Variants in ATP8B2 observed in about 807,000 individuals in gnomAD.
ATP8B2 encodes phospholipid-transporting ATPase ID.
In ATP8B2, 70 loss-of-function variants were observed where a neutral mutation model predicts 133.4. The observed-to-expected ratio is 0.52, with a 90% CI of 0.43 to 0.64. The LOEUF (loss-of-function observed/expected upper bound fraction) is 0.64. Among genes scored for constraint, ATP8B2 ranks in the 30% least tolerant of loss-of-function variants. The pLI, the probability that ATP8B2 is intolerant of heterozygous loss-of-function variation, is 0.00. For missense variants in ATP8B2, 1,101 were observed against 1,535.7 expected (o/e 0.72, Z 4.73); for synonymous variants, 517 against 589.5 (o/e 0.88, Z 1.78).
In ATP8B2 at chr1:154,349,136, C is replaced by T. The variant is rs755878103; in HGVS notation, c.*18C>T. 1.0e-5 allele frequency: 16 copies of T among 1,607,658 alleles called. No homozygotes were observed. The highest frequency in any genetic ancestry group is 1.4e-5 in the Non-Finnish European group (16 of 1,175,668). ...AGGGCTGAAGGCCGAGGATGGATGCCCTGTGCCAGTGACCAGAGCACCCAG... is the reference window on the plus strand; with the variant it reads ...AGGGCTGAAGGCCGAGGATGGATGCTCTGTGCCAGTGACCAGAGCACCCAG... On this transcript the variant is annotated 3_prime_UTR_variant, in exon 28 of 28. Transcript: ENST00000368489.
chr1:154,335,695 A>C (rs1686155360), intron 11 of ATP8B2, among the ~76,000 whole-genome samples: 2 of 151,304 alleles, frequency 1.3e-5, no homozygotes, highest in Non-Finnish European at 2.9e-5. Flanking sequence ...TGTTTCAAAA[A>C]AGAAATCTAC....
At chr1:154,348,712 C>G (rs1224202140) in intron 27 of ATP8B2, 128 bp from the exon 28 acceptor site, 1 of 1,381,978 alleles carries the variant, frequency 7.2e-7, no homozygotes, top group African/African-American at 1.7e-5. Context: ...CTGCGTCAGC[C>G]TGGTCCCAGG....
At position 154,337,624 on chromosome 1, in the gene ATP8B2, T is replaced by G; in HGVS notation, c.1034+80T>G. The G allele has an allele frequency of 1.9e-6, 3 of 1,614,078 alleles. No homozygotes were observed. In the East Asian group the frequency reaches 6.7e-5, roughly 36 times the overall value. ...ACTTTTCTTTTCTATGAAGATGAAG[T>G]CCTTGAGAAGTAACGAGAAGTCCTC... is the stretch of plus-strand genomic sequence containing the variant. On this transcript the variant is annotated intron_variant, in intron 12 of 27. Coordinates refer to ENST00000368489, the MANE Select transcript of ATP8B2 (RefSeq NM_001370597.1).
intron 13 of ATP8B2, chr1:154,341,890 C>G (rs1458244304): frequency 1.3e-5 from 2 of 154,060 alleles, no homozygotes; most frequent in African/African-American, 4.8e-5. Flanking sequence ...AGCTCCTTGG[C>G]TGTTTGAAGT....
In ATP8B2 at chr1:154,334,368, C is replaced by T. The variant is rs1158094645; in HGVS notation, c.748+103C>T. The T allele has an allele frequency of 1.9e-6, 3 of 1,538,596 alleles. No individual in the cohort carries two copies. ...GGAGAATACCTAAGGTAAAAAACCT[C>T]CAGCTGTGTATACAGGCTTCTTATC... is the stretch of plus-strand genomic sequence containing the variant. On this transcript the variant is annotated intron_variant, in intron 10 of 27. Transcript: ENST00000368489. This position sits in a 1 kb window ranked among gnomAD's most constrained non-coding sequence, Gnocchi z 4.6.
chr1:154,342,735 C>G, intron 14 of ATP8B2, 61 bp from the exon 15 acceptor site: 2 of 1,577,900 alleles, frequency 1.3e-6, no homozygotes, highest in Non-Finnish European at 1.7e-6. Flanking sequence ...AGGGATGAAC[C>G]CTTCCCCGGG....
chr1:154,326,757 C>G (rs985645949), intron 1 of ATP8B2, among the ~76,000 whole-genome samples: 1 of 152,218 alleles, frequency 6.6e-6, no homozygotes, highest in Non-Finnish European at 1.5e-5. Context: ...GATGTTTAGG[C>G]TGATAGTGTT....
rs551363876 is a variant in ATP8B2, at chr1:154,343,988, C to T, written c.1854C>T (p.Ala618=). 59 of 1,614,028 alleles carry T rather than the reference C, an allele frequency of 3.7e-5. 1 individual carries two copies. The South Asian group carries it at 6.5e-4, about 18-fold the overall frequency. ...YEEWAERRLQ[A]SLAQDSREDR... ...AGTGGGCTGAGCGACGCCTCCAGGC[C>T]AGCCTGGCCCAGGACAGCCGGGAGG... The change falls in exon 18 of 28, where the codon GCC becomes GCT. Residue 618 remains alanine (A), a synonymous_variant. Coordinates refer to ENST00000368489, the MANE Select transcript of ATP8B2 (RefSeq NM_001370597.1). This position sits in a 1 kb window ranked among gnomAD's most constrained non-coding sequence, Gnocchi z 5.8.
chr1:154,337,139 C>T (rs550524223), intron 11 of ATP8B2, among the ~76,000 whole-genome samples: 2 of 149,960 alleles, frequency 1.3e-5, no homozygotes, highest in African/African-American at 4.9e-5. Flanking sequence ...TTTCATTTAA[C>T]ATTCAGCTGT....
rs758262674 is a variant in ATP8B2 at position 154,345,093 on chromosome 1, G to T, written c.2409G>T (p.Lys803Asn). ...CACAGGTGGTAGAACTGGTCAAGAA[G>T]TACAAGAAGGCTGTGACGCTTGCCA... ...QKAQVVELVK[K>N]YKKAVTLAIG... is the part of the protein sequence containing the mutation. Residue 803 changes from lysine (K) to asparagine (N), a missense_variant, in exon 22 of 28, where the codon AAG (lysine) becomes AAT (asparagine). Transcript: ENST00000368489. This position sits in a 1 kb window ranked among gnomAD's most constrained non-coding sequence, Gnocchi z 5.6. 2 of 1,614,194 alleles carry T rather than the reference G, an allele frequency of 1.2e-6. No individual in the cohort carries two copies. The highest frequency in any genetic ancestry group is 1.7e-6 in the Non-Finnish European group (2 of 1,180,024).
At position 154,345,608 on chromosome 1, in the gene ATP8B2, T is replaced by A. The variant is rs1351397154; in HGVS notation, c.2694+63T>A. The A allele has an allele frequency of 2.7e-5, 40 of 1,470,170 alleles. No individual in the cohort carries two copies. The highest frequency in any genetic ancestry group is 3.8e-5 in the Non-Finnish European group (40 of 1,064,508). 91.1% of individuals were successfully genotyped at this position (1,470,170 alleles called of 1,614,324 possible). ...TAAACCTGAGGGCAGAGGTTCTGTC[T>A]TGTTTATCACTCAGTCCCCCAGGGC... On this transcript the variant is annotated intron_variant, in intron 23 of 27. Coordinates refer to ENST00000368489, the MANE Select transcript of ATP8B2 (RefSeq NM_001370597.1). The surrounding 1 kb of genome is among the most constrained non-coding windows in gnomAD (Gnocchi z 5.6).
intron 26 of ATP8B2, among the ~76,000 whole-genome samples, chr1:154,347,043 C>T (rs1301934762): frequency 6.6e-6 from 1 of 152,152 alleles, no homozygotes; most frequent in Non-Finnish European, 1.5e-5. Context: ...GCACACGCCA[C>T]CAAGCCTGGC....
In ATP8B2 at chr1:154,340,828, A is replaced by G; in HGVS notation, c.1035-26A>G. ...GGCACCTCCTCTTCTTCCCGACCCA[A>G]GCCTCACCTCTTGTCCCCTGTGCAG... On this transcript the variant is annotated intron_variant, in intron 12 of 27. Transcript: ENST00000368489. The surrounding 1 kb of genome is among the most constrained non-coding windows in gnomAD (Gnocchi z 4.0). 3 of 1,611,484 alleles carry G rather than the reference A, an allele frequency of 1.9e-6. No homozygotes were observed. In the South Asian group the frequency reaches 3.3e-5, roughly 18 times the overall value.
At position 154,340,861 on chromosome 1, in the gene ATP8B2, G is replaced by A; in HGVS notation, c.1042G>A (p.Val348Ile). 6.2e-7 allele frequency: 1 copy of A among 1,614,144 alleles called. No homozygotes were observed. The highest frequency in any genetic ancestry group is 8.5e-7 in the Non-Finnish European group (1 of 1,180,020). The change falls in exon 13 of 28, where the codon GTC becomes ATC. Residue 348 changes from valine (V) to isoleucine (I), a missense_variant. By Grantham distance (29) the Val-to-Ile change is conservative (BLOSUM62 3). Coordinates refer to ENST00000368489, the MANE Select transcript of ATP8B2 (RefSeq NM_001370597.1). This position sits in a 1 kb window ranked among gnomAD's most constrained non-coding sequence, Gnocchi z 4.0. The part of the protein sequence containing the change: ...VPISLYVSVE[V>I]IRLGHSYFIN... ...CTCTTGTCCCCTGTGCAGTGTGGAG[G>A]TCATCCGTCTGGGCCACAGCTACTT...
At chr1:154,347,373 C>T (rs1029004384) in intron 26 of ATP8B2, among the ~76,000 whole-genome samples, 10 of 152,068 alleles carry the variant, frequency 6.6e-5, no homozygotes, top group African/African-American at 2.4e-4. Flanking sequence ...TGGAATGAGT[C>T]AGGATTATTT....
rs746262135 is a variant in ATP8B2, at chr1:154,345,184, T to A, written c.2470+30T>A. 6.2e-7 allele frequency: 1 copy of A among 1,606,380 alleles called. No individual in the cohort carries two copies. Among genetic ancestry groups the A allele is most frequent in the Admixed American group, 1.7e-5 (1 of 59,570 alleles). On this transcript the variant is annotated intron_variant, in intron 22 of 27. Transcript: ENST00000368489. The surrounding 1 kb of genome is among the most constrained non-coding windows in gnomAD (Gnocchi z 5.6). ...GTGTGGGCTGTGCAGGTGTGTAGGC[T>A]GGGCTTGAGGCTGGGGAGGGGCCCA... is the stretch of plus-strand genomic sequence containing the variant.
chr1:154,327,820 T>G (rs138411002), intron 1 of ATP8B2: 172 of 1,613,692 alleles, frequency 1.1e-4, no homozygotes, highest in Non-Finnish European at 1.4e-4. Flanking sequence ...TGAGAGCTGT[T>G]CCCCTTTTTT....
Position 154,345,640 on chromosome 1 carries a change from A to G in ATP8B2, c.2694+95A>G. 4 of 1,345,000 alleles carry G rather than the reference A, an allele frequency of 3.0e-6. No homozygotes were observed. The highest frequency in any genetic ancestry group is 1.5e-5 in the African/African-American group (1 of 68,374). 83.3% of individuals were successfully genotyped at this position (1,345,000 alleles called of 1,614,324 possible). ...TCACTCAGTCCCCCAGGGCCTAGCT[A>G]TTTTCTGGTACATACTCTTAAAAAA... On this transcript the variant is annotated intron_variant, in intron 23 of 27. Coordinates refer to ENST00000368489, the MANE Select transcript of ATP8B2 (RefSeq NM_001370597.1). This position sits in a 1 kb window ranked among gnomAD's most constrained non-coding sequence, Gnocchi z 5.6.
Position 154,348,999 on chromosome 1 carries a change from C to G in ATP8B2, c.3454C>G (p.Leu1152Val), listed in dbSNP as rs1167871401. Residue 1152 changes from leucine (L) to valine (V), a missense_variant, in exon 28 of 28, where the codon CTC becomes GTC. Physicochemically the swap from Leu to Val is conservative, Grantham distance 32 (BLOSUM62 1). Transcript: ENST00000368489. ...TGGCAAGAACATGCGGCTGAGCTCT[C>G]TCGCGCTCTCCAGCTTCACCACCCG... ...MSGKNMRLSS[L>V]ALSSFTTRSS... 1 of 1,614,260 alleles carries G rather than the reference C, an allele frequency of 6.2e-7. No homozygotes were observed.
Sources: gnomAD v4.1 joint callset for allele counts (sites outside exome capture counted in the v4.1 genomes callset) on GRCh38, gnomAD v4.1.1 for gene constraint, Gnocchi (gnomAD v3.1) non-coding constraint, MANE v1.5 for transcripts, NCBI Gene and HGNC (gene_info 2026-07-23, HGNC 2026-07-21) for gene names.